Variants in IPO5 observed in about 807,000 individuals in gnomAD.
IPO5 encodes importin-5.
IPO5 carries 18 observed loss-of-function variants against 143.3 expected under a neutral mutation model. The ratio of observed to expected loss-of-function variants is 0.13; its 90% CI spans 0.09 to 0.19. IPO5 has a LOEUF of 0.19. Among genes scored for constraint, IPO5 ranks in the 10% least tolerant of loss-of-function variants. The probability of loss-of-function intolerance (pLI) is 1.00; values close to 1 mark genes in which losing one functional copy is unlikely to be tolerated. For missense variants in IPO5, 1,013 were observed against 1,336.9 expected, an observed-to-expected ratio of 0.76 and a Z score of 3.78; for synonymous variants, 477 against 465.7, an observed-to-expected ratio of 1.02 and a Z score of -0.31.
intron 2 of IPO5, among the ~76,000 whole-genome samples, chr13:97,968,212 TTTCTAATTTTATTCTG>T (rs1885516212): frequency 6.6e-6 from 1 of 152,262 alleles, no homozygotes; most frequent in South Asian, 2.1e-4. Context: ...TTGTTCTTGA[TTTCTAATTTTATTCTG>T]TTGTGGTCAG....
intron 3 of IPO5, among the ~76,000 whole-genome samples, chr13:97,973,556 C>T (rs1454971354): frequency 6.6e-6 from 1 of 152,166 alleles, no homozygotes; most frequent in Non-Finnish European, 1.5e-5. Context: ...GCTATCTACC[C>T]CAAGTTTACT....
Position 97,984,199 on chromosome 13 carries a change from C to G in IPO5, c.172-1222C>G, listed in dbSNP as rs183967868. Among the ~76,000 whole-genome samples, 598 of 151,282 alleles carry G rather than the reference C, an allele frequency of 4.0e-3. 3 individuals are homozygous for G. Among genetic ancestry groups the G allele is most frequent in the Admixed American group, 8.2e-3 (125 of 15,176 alleles). On this transcript the variant is annotated intron_variant, in intron 5 of 28. Transcript: ENST00000651721. ...TTCACCGTTTTAGCCGGGATGGTCT[C>G]GATCTCCTGACCTCGTGATCCGCCC... is the stretch of plus-strand genomic sequence containing the variant.
intron 11 of IPO5, 28 bp from the exon 12 acceptor site, chr13:97,997,503 T>C (rs1888398547): frequency 7.6e-7 from 1 of 1,314,426 alleles, no homozygotes; most frequent in South Asian, 1.2e-5. Context: ...GTCACAGTCT[T>C]CGGGTATGAA....
At chr13:97,959,510 A>G (rs1002637995) in intron 2 of IPO5, among the ~76,000 whole-genome samples, 1 of 151,972 alleles carries the variant, frequency 6.6e-6, no homozygotes, top group African/African-American at 2.4e-5. Context: ...CGGGTGGGTC[A>G]CAAAGTCAGA....
chr13:97,974,064 A>AAAT (rs1013564836), intron 3 of IPO5, among the ~76,000 whole-genome samples: 3 of 152,128 alleles, frequency 2.0e-5, no homozygotes, highest in Non-Finnish European at 4.4e-5. Flanking sequence ...CTCTGTCTCA[A>AAAT]AATAATAATA....
In IPO5 at chr13:98,005,026, G is replaced by A. The variant is rs1889099741; in HGVS notation, c.1498-1104G>A. 4.6e-5 allele frequency among the ~76,000 whole-genome samples: 7 copies of A among 152,044 alleles called. No homozygotes were observed. In the South Asian group the frequency reaches 1.5e-3, roughly 32 times the overall value. ...TTCTCCTGCCTCAGCCTGCCGAGTA[G>A]CTGGGATTACAGACGTGCACCCACC... On this transcript the variant is annotated intron_variant, in intron 16 of 28. Transcript: ENST00000651721.
At chr13:97,999,096 T>G (rs957110274) in intron 12 of IPO5, among the ~76,000 whole-genome samples, 1 of 152,066 alleles carries the variant, frequency 6.6e-6, no homozygotes, top group Non-Finnish European at 1.5e-5. Context: ...TGAGCTGAGA[T>G]CACGTCATTG....
Position 97,989,130 on chromosome 13 carries a change from G to A in IPO5, c.433G>A (p.Val145Met), listed in dbSNP as rs2139683284. Residue 145 changes from valine to methionine, a missense_variant, in exon 7 of 29, where the codon GTG (valine) becomes ATG (methionine). Physicochemically the swap from Val to Met is conservative, Grantham distance 21. This residue lies in a region of IPO5 where 328 missense variants were observed against 342.0 expected (regional missense o/e 0.96). Transcript: ENST00000651721. Reference protein sequence around the residue: ...FLFDSVSSQNVGLREAALHIF... With the variant: ...FLFDSVSSQNMGLREAALHIF... ...TTTTGATTCAGTCAGCTCTCAAAAT[G>A]TGGGACTGCGGGAAGCTGCCCTTCA... 3 of 1,613,262 alleles carry A rather than the reference G, an allele frequency of 1.9e-6. No individual in the cohort carries two copies. Among genetic ancestry groups the A allele is most frequent in the Non-Finnish European group, 2.5e-6 (3 of 1,179,230 alleles).
Position 98,021,837 on chromosome 13 carries a change from A to G in IPO5, c.*15A>G, listed in dbSNP as rs1348853829. The G allele has an allele frequency of 1.3e-6, 2 of 1,572,048 alleles. No homozygotes were observed. The highest frequency in any genetic ancestry group is 2.2e-5 in the East Asian group (1 of 44,450). ...ACTCTGCGTGAAGGGCCTTAATGTC[A>G]CCCACCAGAAAACTAACTCCAAATA... On this transcript the variant is annotated 3_prime_UTR_variant, in exon 29 of 29. Coordinates refer to ENST00000651721, the MANE Select transcript of IPO5 (RefSeq NM_002271.6).
intron 3 of IPO5, among the ~76,000 whole-genome samples, chr13:97,974,921 T>C (rs1886139977): frequency 6.6e-6 from 1 of 152,274 alleles, no homozygotes; most frequent in Non-Finnish European, 1.5e-5. Context: ...AAAAAAATCT[T>C]GGCTGGCCAT....
chr13:97,976,009 G>C lies in IPO5; in HGVS notation c.-4-684G>C, dbSNP rs890031207. ...TCCGTGAGTAGAAGGTACGTAGGAAGTGGGTCTAAAGGGACTGCCTTCCTG... is the reference window on the plus strand; with the variant it reads ...TCCGTGAGTAGAAGGTACGTAGGAACTGGGTCTAAAGGGACTGCCTTCCTG... On this transcript the variant is annotated intron_variant, in intron 3 of 28. Transcript: ENST00000651721. 6.2e-6 allele frequency: 6 copies of C among 972,714 alleles called. No homozygotes were observed. In the African/African-American group the frequency reaches 8.8e-5, roughly 14 times the overall value. The allele number at this position is 972,714 out of a possible 1,614,324, so 60.3% of individuals were successfully genotyped here.
chr13:97,986,736 TA>T (rs1887386168), intron 6 of IPO5, among the ~76,000 whole-genome samples: 1 of 152,220 alleles, frequency 6.6e-6, no homozygotes, highest in South Asian at 2.1e-4. Context: ...TTACTAAAGG[TA>T]AAAATCCTTT....
In IPO5 at chr13:98,024,079, G is replaced by A. The variant is rs982107499; in HGVS notation, c.*2257G>A. On this transcript the variant is annotated 3_prime_UTR_variant, in exon 29 of 29. Transcript: ENST00000651721. ...GGGGAAAAATGTGTGTGGCTCTTAC[G>A]TTTTCTGGGAATTTTGTAACAAGTT... 1.3e-5 allele frequency: 2 copies of A among 152,092 alleles called. No homozygotes were observed. The highest frequency in any genetic ancestry group is 2.9e-5 in the Non-Finnish European group (2 of 68,006). The allele number at this position is 152,092 out of a possible 1,614,324, so 9.4% of individuals were successfully genotyped here. A position where few individuals can be genotyped will look rare whatever the true frequency, so the allele number is the denominator to read the frequency against.
In IPO5 at chr13:97,990,162, C is replaced by T. The variant is rs1222314985; in HGVS notation, c.504C>T (p.His168=). 6.2e-7 allele frequency: 1 copy of T among 1,613,126 alleles called. No homozygotes were observed. The highest frequency in any genetic ancestry group is 2.2e-5 in the East Asian group (1 of 44,846). Residue 168 remains histidine, a synonymous_variant, in exon 8 of 29, where the codon CAC becomes CAT. Coordinates refer to ENST00000651721, the MANE Select transcript of IPO5 (RefSeq NM_002271.6). ...GAATTTTTGGGAACCAGCAACAACA[C>T]TATTTAGATGTCATCAAACGAATGT... ...FPGIFGNQQQ[H]YLDVIKRMLV...
At chr13:97,974,429 C>A (rs975310080) in intron 3 of IPO5, among the ~76,000 whole-genome samples, 3 of 151,816 alleles carry the variant, frequency 2.0e-5, no homozygotes, top group African/African-American at 7.3e-5. Flanking sequence ...GCCTCAGCCT[C>A]CCGAGTAGCT....
chr13:97,972,527 T>C (rs914141859), intron 3 of IPO5, among the ~76,000 whole-genome samples: 2 of 152,210 alleles, frequency 1.3e-5, no homozygotes, highest in African/African-American at 4.8e-5. Flanking sequence ...TTTGTTTTCT[T>C]TCCCCCAACC....
intron 16 of IPO5, 109 bp downstream of exon 16, chr13:98,003,146 A>G: frequency 1.1e-6 from 1 of 873,658 alleles, no homozygotes; most frequent in South Asian, 1.7e-5. Context: ...TAAAGAATAT[A>G]AAGTACAAAA....
At chr13:97,999,357 T>C (rs901256189) in intron 12 of IPO5, among the ~76,000 whole-genome samples, 1 of 152,208 alleles carries the variant, frequency 6.6e-6, no homozygotes, top group Admixed American at 6.5e-5. Context: ...TGATAACGGC[T>C]GAAGAGAAGA....
intron 5 of IPO5, among the ~76,000 whole-genome samples, chr13:97,984,461 T>C (rs1466782314): frequency 6.6e-6 from 1 of 152,214 alleles, no homozygotes; most frequent in African/African-American, 2.4e-5. Context: ...AGCATCTTGA[T>C]TGTGGCTTTA....
Sources: gnomAD v4.1 joint callset for allele counts (sites outside exome capture counted in the v4.1 genomes callset) on GRCh38, gnomAD v4.1.1 for gene constraint, gnomAD v4.1.1 regional missense constraint, MANE v1.5 for transcripts, NCBI Gene and HGNC (gene_info 2026-07-23, HGNC 2026-07-21) for gene names.